CTNNA3: variants seen among roughly 807,000 people sequenced by gnomAD.
CTNNA3 encodes catenin alpha 3.
A neutral mutation model predicts 95.7 loss-of-function variants in CTNNA3; 76 were observed. The ratio of observed to expected loss-of-function variants is 0.79; its 90% CI spans 0.66 to 0.96. The LOEUF (loss-of-function observed/expected upper bound fraction) is 0.96, where lower values mean the gene tolerates loss of function less well. Ranked by LOEUF, CTNNA3 falls within the 40% of genes least tolerant of loss-of-function variation. The pLI, the probability that CTNNA3 is intolerant of heterozygous loss-of-function variation, is 0.00. For synonymous variants in CTNNA3, 431 were observed against 374.4 expected, an observed-to-expected ratio of 1.15 and a Z score of -1.74; for missense variants, 1,191 against 1,089.8, an observed-to-expected ratio of 1.09 and a Z score of -1.31.
chr10:67,046,992 TAGTCTAATGTTTGCA>T (rs1854794886), intron 7 of CTNNA3, among the ~76,000 whole-genome samples: 3 of 152,128 alleles, frequency 2.0e-5, no homozygotes, highest in Non-Finnish European at 4.4e-5. Flanking sequence ...AGAAAAGAAA[TAGTCTAATGTTTGCA>T]ATATGTTTGG....
Position 67,216,037 on chromosome 10 carries a change from T to C in CTNNA3, c.843+3570A>G, listed in dbSNP as rs567715683. Among the ~76,000 whole-genome samples, 14 of 152,350 alleles carry C rather than the reference T, an allele frequency of 9.2e-5. No individual in the cohort carries two copies. In the East Asian group the frequency reaches 2.7e-3, roughly 29 times the overall value. On this transcript the variant is annotated intron_variant, in intron 6 of 17. Coordinates refer to ENST00000433211, the MANE Select transcript of CTNNA3 (RefSeq NM_013266.4). ...CTTTTAGTTCTTATAGTTCACTATA[T>C]ATCTAGAAACCAAACCATTTTTTAA...
At chr10:67,015,423 A>C (rs1417013608) in intron 7 of CTNNA3, 1 of 152,080 alleles carries the variant, frequency 6.6e-6, no homozygotes, top group Non-Finnish European at 1.5e-5. Flanking sequence ...CTTTCTCTTG[A>C]TACTATATTT....
intron 3 of CTNNA3, among the ~76,000 whole-genome samples, chr10:67,581,835 GT>G (rs1193918177): frequency 1.3e-5 from 2 of 152,098 alleles, no homozygotes; most frequent in Non-Finnish European, 2.9e-5. Context: ...AGATTTTCTA[GT>G]TTTTTTGTGT....
intron 12 of CTNNA3, among the ~76,000 whole-genome samples, chr10:66,365,903 C>G (rs951629924): frequency 4.0e-4 from 61 of 152,208 alleles, no homozygotes; most frequent in African/African-American, 1.3e-3. Flanking sequence ...AGCTTGGAAG[C>G]AGATTCTTTA....
intron 5 of CTNNA3, among the ~76,000 whole-genome samples, chr10:67,236,831 T>C (rs901348786): frequency 2.0e-5 from 3 of 151,524 alleles, no homozygotes; most frequent in Non-Finnish European, 2.9e-5. Context: ...TAAAAAACAG[T>C]AGATGTTGGC....
At chr10:67,224,681 A>T (rs775267781) in intron 5 of CTNNA3, among the ~76,000 whole-genome samples, 3 of 152,110 alleles carry the variant, frequency 2.0e-5, no homozygotes, top group Non-Finnish European at 2.9e-5. Flanking sequence ...AGCAAAAAAA[A>T]ATATAGAGAG....
chr10:66,914,984 G>A (rs1220008325), intron 7 of CTNNA3, among the ~76,000 whole-genome samples: 2 of 152,032 alleles, frequency 1.3e-5, no homozygotes, highest in African/African-American at 4.8e-5. Flanking sequence ...TTACTCTGTA[G>A]GATGGAAAGA....
chr10:67,071,936 ATG>A (rs1410238681), intron 7 of CTNNA3, among the ~76,000 whole-genome samples: 1 of 152,056 alleles, frequency 6.6e-6, no homozygotes, highest in Non-Finnish European at 1.5e-5. Flanking sequence ...GTTCAAGAAT[ATG>A]TGTTTGATTA....
chr10:65,988,657 T>A (rs769942145), intron 16 of CTNNA3, 35 bp downstream of exon 16: 45 of 1,534,484 alleles, frequency 2.9e-5, no homozygotes, highest in Non-Finnish European at 4.1e-5. Flanking sequence ...GCAATTAGCA[T>A]GAACTTTTAT....
chr10:67,236,371 T>G (rs530830955), intron 5 of CTNNA3, among the ~76,000 whole-genome samples: 43 of 151,552 alleles, frequency 2.8e-4, no homozygotes, highest in African/African-American at 1.0e-3. Context: ...GGGACATGGA[T>G]GAAATTGGAA....
chr10:67,453,008 T>C (rs1024093007), intron 5 of CTNNA3, among the ~76,000 whole-genome samples: 3 of 152,188 alleles, frequency 2.0e-5, no homozygotes, highest in Admixed American at 6.6e-5. Flanking sequence ...TGGCTGGCAG[T>C]GTGTTACTTT....
At chr10:66,654,646 C>T (rs1846016341) in intron 9 of CTNNA3, among the ~76,000 whole-genome samples, 1 of 151,936 alleles carries the variant, frequency 6.6e-6, no homozygotes, top group African/African-American at 2.4e-5. Context: ...AAAGAGATTG[C>T]CTGCATTCCC....
intron 10 of CTNNA3, among the ~76,000 whole-genome samples, chr10:66,607,203 A>G (rs1268406206): frequency 6.6e-6 from 1 of 152,088 alleles, no homozygotes; most frequent in East Asian, 1.9e-4. Context: ...ATTCCTGGAC[A>G]CAGACACCCT....
intron 2 of CTNNA3, among the ~76,000 whole-genome samples, chr10:67,620,923 G>GTGTGTGTATATATATATATATATATATA (rs1402402526): frequency 8.1e-6 from 1 of 123,804 alleles, no homozygotes; most frequent in African/African-American, 3.1e-5. Context: ...GTGTGTGTGT[G>GTGTGTGTATATATATATATATATATATA]TATATATATA....
intron 9 of CTNNA3, among the ~76,000 whole-genome samples, chr10:66,645,715 A>G (rs1319465245): frequency 1.3e-5 from 2 of 152,118 alleles, no homozygotes; most frequent in African/African-American, 4.8e-5. Context: ...CTCCAACCCT[A>G]TTGTGAACAG....
chr10:66,234,228 C>T (rs1317065195), intron 13 of CTNNA3, among the ~76,000 whole-genome samples: 1 of 152,014 alleles, frequency 6.6e-6, no homozygotes, highest in African/African-American at 2.4e-5. Context: ...CTTCTTTTTA[C>T]ATATGTTACA....
intron 10 of CTNNA3, among the ~76,000 whole-genome samples, chr10:66,569,905 T>C (rs1430170537): frequency 6.6e-6 from 1 of 152,114 alleles, no homozygotes; most frequent in Non-Finnish European, 1.5e-5. Flanking sequence ...ATAAAAATAA[T>C]ATAGGTAGAT....
rs976540285 is a variant in CTNNA3 at position 67,392,209 on chromosome 10, G to GA, written c.579+129632dup. Among the ~76,000 whole-genome samples, 290 of 151,972 alleles carry GA rather than the reference G, an allele frequency of 1.9e-3. 2 individuals are homozygous for GA. Among genetic ancestry groups the GA allele is most frequent in the African/African-American group, 6.7e-3 (279 of 41,440 alleles). On this transcript the variant is annotated intron_variant, in intron 5 of 17. Transcript: ENST00000433211. ...ACAGTGAACTCAAATAAATTTACAA[G>GA]AAAAAAACAAACAACCCCATCAAAA...
intron 7 of CTNNA3, among the ~76,000 whole-genome samples, chr10:66,820,700 T>C (rs1842277707): frequency 6.7e-6 from 1 of 150,216 alleles, no homozygotes; most frequent in Non-Finnish European, 1.5e-5. Context: ...GGATCATGAG[T>C]GGTTTCTACT....
Sources: allele counts gnomAD v4.1 joint callset (sites outside exome capture counted in the v4.1 genomes callset), GRCh38; gene constraint gnomAD v4.1.1; transcripts MANE v1.5; gene names NCBI Gene and HGNC (gene_info 2026-07-23, HGNC 2026-07-21).